Variants in GLRA2 observed in about 807,000 individuals in gnomAD.
The protein encoded by GLRA2 is glycine receptor alpha 2.
Under a neutral mutation model 31.6 loss-of-function variants are expected in GLRA2, and 11 were observed. That is an observed-to-expected ratio of 0.35 (90% CI 0.22 to 0.58). The LOEUF is 0.58. Ranked by LOEUF, GLRA2 falls within the 20% of genes least tolerant of loss-of-function variation. GLRA2 has a pLI of 0.84. For synonymous variants in GLRA2, 132 were observed against 134.0 expected (o/e 0.99, Z 0.10); for missense variants, 212 against 351.8 (o/e 0.60, Z 3.18).
At chrX:14,622,204 G>T (rs993713698) in intron 7 of GLRA2, among the ~76,000 whole-genome samples, 4 of 111,577 alleles carry the variant, frequency 3.6e-5, no homozygotes, top group African/African-American at 9.8e-5. Context: ...TTGTTGATGG[G>T]GTTGTTTGAT....
Position 14,610,595 on chromosome X carries a change from A to G in GLRA2, c.930+1390A>G, listed in dbSNP as rs6630693. Among the ~76,000 whole-genome samples, 14 of 111,909 alleles carry G rather than the reference A, an allele frequency of 1.3e-4. No homozygotes were observed. The East Asian group carries it at 2.3e-3, about 18-fold the overall frequency. ...AATCCACTCTGTGCCCCTCCCAAACAGGTTCATTTGCTTATTTATTATTAG... is the reference window on the plus strand; with the variant it reads ...AATCCACTCTGTGCCCCTCCCAAACGGGTTCATTTGCTTATTTATTATTAG... On this transcript the variant is annotated intron_variant, in intron 7 of 8. Coordinates refer to ENST00000218075, the MANE Select transcript of GLRA2 (RefSeq NM_002063.4).
chrX:14,532,267 A>C lies in GLRA2; in HGVS notation c.97A>C (p.Arg33=). ...GGCTTTCTGCAAAGACCATGACTCC[A>C]GGTCTGGAAAACAACCTTCACAGAC... is the stretch of plus-strand genomic sequence containing the variant. The part of the protein sequence containing the change: ...RTAFCKDHDS[R]SGKQPSQTLS... The change falls in exon 2 of 9, where the codon AGG becomes CGG. Residue 33 remains arginine (R), a synonymous_variant. Coordinates refer to ENST00000218075, the MANE Select transcript of GLRA2 (RefSeq NM_002063.4). The C allele has an allele frequency of 2.5e-6, 3 of 1,183,997 alleles. No individual in the cohort carries two copies. Among genetic ancestry groups the C allele is most frequent in the Non-Finnish European group, 2.3e-6 (2 of 875,346 alleles).
chrX:14,496,578 T>C, the GLRA2 span, among the ~76,000 whole-genome samples: 2 of 112,044 alleles, frequency 1.8e-5, no homozygotes, highest in African/African-American at 6.5e-5. Flanking sequence ...ATTATCTTAA[T>C]GCTAGCACTA....
chrX:14,583,821 GAA>G (rs1036772400), intron 4 of GLRA2, among the ~76,000 whole-genome samples: 1 of 111,798 alleles, frequency 8.9e-6, no homozygotes, highest in African/African-American at 3.2e-5. Context: ...ACATAAAAAA[GAA>G]TGAGATCATA....
chrX:14,587,424 C>A (rs1376693156), intron 4 of GLRA2, among the ~76,000 whole-genome samples: 1 of 112,207 alleles, frequency 8.9e-6, no homozygotes, highest in East Asian at 2.8e-4. Flanking sequence ...TTTGTGTTTG[C>A]TTTTCTCTGC....
chrX:14,704,275 C>G (rs962629432), intron 8 of GLRA2, among the ~76,000 whole-genome samples: 21 of 112,568 alleles, frequency 1.9e-4, no homozygotes, highest in African/African-American at 6.5e-4. Context: ...GCCTTCAGCT[C>G]TACTAGTGTT....
At chrX:14,654,817 T>C (rs1457964810) in intron 7 of GLRA2, among the ~76,000 whole-genome samples, 3 of 111,795 alleles carry the variant, frequency 2.7e-5, no homozygotes, top group African/African-American at 6.5e-5. Context: ...CAGTTCCACA[T>C]GGCTGGGGAG....
At chrX:14,612,191 G>A (rs1179844838) in intron 7 of GLRA2, among the ~76,000 whole-genome samples, 1 of 111,840 alleles carries the variant, frequency 8.9e-6, no homozygotes, top group African/African-American at 3.3e-5. Flanking sequence ...CTCAAAAGAA[G>A]AGATTTATGC....
At chrX:14,567,560 TAAG>T (rs746597468) in intron 2 of GLRA2, among the ~76,000 whole-genome samples, 2 of 112,419 alleles carry the variant, frequency 1.8e-5, no homozygotes, top group Non-Finnish European at 3.8e-5. Flanking sequence ...CTTTTCCTTC[TAAG>T]AAGATCAGAA....
chrX:14,509,752 A>AT, the GLRA2 span, among the ~76,000 whole-genome samples: 2 of 112,498 alleles, frequency 1.8e-5, no homozygotes, highest in Non-Finnish European at 3.8e-5. Flanking sequence ...CTCTTCCTGG[A>AT]TTAGATGCTA....
intron 8 of GLRA2, among the ~76,000 whole-genome samples, chrX:14,703,738 C>T (rs192501239): frequency 2.9e-4 from 32 of 111,799 alleles, no homozygotes; most frequent in Non-Finnish European, 4.0e-4. Flanking sequence ...GGCCCTCAAC[C>T]AATGAGAACT....
chrX:14,678,266 G>C (rs1210472342), intron 7 of GLRA2, among the ~76,000 whole-genome samples: 1 of 112,514 alleles, frequency 8.9e-6, no homozygotes, highest in African/African-American at 3.2e-5. Context: ...TTGAATACCA[G>C]AGACTGCAAT....
chrX:14,566,149 T>A (rs1470760508), intron 2 of GLRA2, among the ~76,000 whole-genome samples: 1 of 111,238 alleles, frequency 9.0e-6, no homozygotes, highest in Non-Finnish European at 1.9e-5. Context: ...CTTACAGAAA[T>A]AAAAAGAACT....
At chrX:14,493,568 T>TAC in the GLRA2 span, among the ~76,000 whole-genome samples, 2 of 104,135 alleles carry the variant, frequency 1.9e-5, no homozygotes, top group African/African-American at 6.9e-5. Flanking sequence ...TACACATATA[T>TAC]ACATATATAC....
the GLRA2 span, among the ~76,000 whole-genome samples, chrX:14,502,857 A>G: frequency 9.6e-6 from 1 of 104,283 alleles, no homozygotes; most frequent in African/African-American, 3.5e-5. Context: ...TAAACAGTGA[A>G]ATTACCAAGA....
the GLRA2 span, among the ~76,000 whole-genome samples, chrX:14,462,385 T>C: frequency 9.0e-6 from 1 of 111,461 alleles, no homozygotes; most frequent in African/African-American, 3.3e-5. Context: ...TGAATTTGAA[T>C]GTTGGCCTGC....
chrX:14,466,461 A>G, the GLRA2 span, among the ~76,000 whole-genome samples: 4 of 111,849 alleles, frequency 3.6e-5, no homozygotes, highest in South Asian at 1.5e-3. Context: ...TGGAGACACC[A>G]CTACATAGGG....
chrX:14,655,143 A>ATAC (rs769515078), intron 7 of GLRA2, among the ~76,000 whole-genome samples: 5 of 111,605 alleles, frequency 4.5e-5, no homozygotes, highest in Admixed American at 9.5e-5. Flanking sequence ...AATAATAATA[A>ATAC]TAAGCCAGGT....
At chrX:14,729,733 T>C (rs2091969121) in intron 8 of GLRA2, among the ~76,000 whole-genome samples, 1 of 111,448 alleles carries the variant, frequency 9.0e-6, no homozygotes, top group Non-Finnish European at 1.9e-5. Flanking sequence ...ATGGGGGAAT[T>C]GCGCTGTGAA....
Sources: allele counts gnomAD v4.1 joint callset (sites outside exome capture counted in the v4.1 genomes callset), GRCh38; gene constraint gnomAD v4.1.1; transcripts MANE v1.5; gene names NCBI Gene and HGNC (gene_info 2026-07-23, HGNC 2026-07-21).